SZT2: variants seen among roughly 807,000 people sequenced by gnomAD.
The protein encoded by SZT2 is SZT2 subunit of KICSTOR complex.
Under a neutral mutation model 404.2 loss-of-function variants are expected in SZT2, and 216 were observed. The observed-to-expected ratio is 0.53, with a 90% CI of 0.48 to 0.60. The LOEUF (loss-of-function observed/expected upper bound fraction) is 0.60, where lower values mean the gene tolerates loss of function less well. Among genes scored for constraint, SZT2 ranks in the 20% least tolerant of loss-of-function variants. SZT2 has a pLI of 0.00. For missense variants in SZT2, 3,857 were observed against 4,459.2 expected (o/e 0.86, Z 3.85); for synonymous variants, 1,693 against 1,749.9 (o/e 0.97, Z 0.81).
At chr1:43,449,353 G>A (rs1215891015) in intron 70 of SZT2, 1 of 160,384 alleles carries the variant, frequency 6.2e-6, no homozygotes, top group Non-Finnish European at 1.4e-5. Context: ...TGAGAAAGTA[G>A]GAGGTGGAGC....
intron 10 of SZT2, 68 bp from the exon 11 acceptor site, chr1:43,421,106 C>A (rs1652305585): frequency 6.3e-7 from 1 of 1,596,262 alleles, no homozygotes; most frequent in Non-Finnish European, 8.5e-7. Flanking sequence ...TCCCATGTCC[C>A]CCTAAGGCTC....
rs1311830762 is a variant in SZT2 at position 43,450,806 on chromosome 1, C to G, written c.*326C>G. 1 of 708,914 alleles carries G rather than the reference C, an allele frequency of 1.4e-6. No homozygotes were observed. The highest frequency in any genetic ancestry group is 2.6e-6 in the Non-Finnish European group (1 of 382,272). The allele number at this position is 708,914 out of a possible 1,614,324, so 43.9% of individuals were successfully genotyped here. A position where few individuals can be genotyped will look rare whatever the true frequency, so the allele number is the denominator to read the frequency against. On this transcript the variant is annotated 3_prime_UTR_variant, in exon 72 of 72. Transcript: ENST00000634258. The surrounding 1 kb of genome is among the most constrained non-coding windows in gnomAD (Gnocchi z 4.3). Reference sequence around the variant, plus strand: ...GTTCACACAGGGTGGCAAACACCCCCTAGAGCTCCTCTGCCTGAATCCTGC... The same window carrying G: ...GTTCACACAGGGTGGCAAACACCCCGTAGAGCTCCTCTGCCTGAATCCTGC...
Position 43,420,954 on chromosome 1 carries a change from T to C in SZT2, c.1467T>C (p.Val489=), listed in dbSNP as rs567155503. 21 of 1,598,482 alleles carry C rather than the reference T, an allele frequency of 1.3e-5. No individual in the cohort carries two copies. The South Asian group carries it at 2.1e-4, about 16-fold the overall frequency. Residue 489 remains valine, a synonymous_variant, in exon 10 of 72, where the codon GTT becomes GTC. Transcript: ENST00000634258. This position sits in a 1 kb window ranked among gnomAD's most constrained non-coding sequence, Gnocchi z 5.1. ...TTCGTTCATTGTATCGTACCCATGTTATCCGGCGTTTCTGGAACACGCTGC... is the reference window on the plus strand; with the variant it reads ...TTCGTTCATTGTATCGTACCCATGTCATCCGGCGTTTCTGGAACACGCTGC... ...QPIRSLYRTH[V]IRRFWNTLQS... is the part of the protein sequence containing the mutation.
In SZT2 at chr1:43,424,785, G is replaced by T. The variant is rs759265805; in HGVS notation, c.2473G>T (p.Val825Phe). The change falls in exon 17 of 72, where the codon GTC becomes TTC. Residue 825 changes from valine to phenylalanine, a missense_variant and splice_region_variant. Val to Phe is a conservative substitution (Grantham distance 50, BLOSUM62 -1). Transcript: ENST00000634258. The surrounding 1 kb of genome is among the most constrained non-coding windows in gnomAD (Gnocchi z 4.1). ...IAQLLSILTE[V>F]RLSEGFHFAC... The stretch of plus-strand genomic sequence containing the variant: ...GCCCCGGCCTTTATGGGGCTTCAGA[G>T]TCCGACTTTCTGAAGGATTCCACTT... 2 of 1,613,958 alleles carry T rather than the reference G, an allele frequency of 1.2e-6. No homozygotes were observed. Among genetic ancestry groups the T allele is most frequent in the Non-Finnish European group, 8.5e-7 (1 of 1,179,850 alleles).
chr1:43,425,909 G>A lies in SZT2; in HGVS notation c.2889G>A (p.Lys963=). 6.2e-7 allele frequency: 1 copy of A among 1,614,170 alleles called. No homozygotes were observed. The highest frequency in any genetic ancestry group is 8.5e-7 in the Non-Finnish European group (1 of 1,180,018). The change falls in exon 20 of 72, where the codon AAG becomes AAA. Residue 963 remains lysine (K), a synonymous_variant. Coordinates refer to ENST00000634258, the MANE Select transcript of SZT2 (RefSeq NM_001365999.1). This position sits in a 1 kb window ranked among gnomAD's most constrained non-coding sequence, Gnocchi z 4.3. ...FEYLIQLCQS[K]EWGPLPPEPR... ...ACCTGATACAGCTGTGTCAGAGCAA[G>A]GAATGGGGTCCTCTGCCCCCAGAGC...
chr1:43,403,813 G>T lies in SZT2; in HGVS notation c.327+39G>T, dbSNP rs375500746. On this transcript the variant is annotated intron_variant, in intron 3 of 71. Coordinates refer to ENST00000634258, the MANE Select transcript of SZT2 (RefSeq NM_001365999.1). ...GGGAGACTGTGGGAAGAAAGGATGGGGTGGGGTGTGAGGAGAGGGAGAGGC... is the reference window on the plus strand; with the variant it reads ...GGGAGACTGTGGGAAGAAAGGATGGTGTGGGGTGTGAGGAGAGGGAGAGGC... The T allele has an allele frequency of 8.7e-6, 14 of 1,605,624 alleles. No homozygotes were observed. The African/African-American group carries it at 1.9e-4, about 21-fold the overall frequency.
chr1:43,421,979 T>C, intron 11 of SZT2, 104 bp from the exon 12 acceptor site: 1 of 1,299,944 alleles, frequency 7.7e-7, no homozygotes, highest in Non-Finnish European at 1.0e-6. Flanking sequence ...CACTGCTGTC[T>C]CTGACTCTCT....
Position 43,452,450 on chromosome 1 carries a change from C to T in SZT2, c.*1970C>T, listed in dbSNP as rs1002605123. 4.0e-6 allele frequency: 3 copies of T among 744,460 alleles called. No homozygotes were observed. The highest frequency in any genetic ancestry group is 7.3e-6 in the Non-Finnish European group (3 of 411,550). 46.1% of individuals were successfully genotyped at this position (744,460 alleles called of 1,614,324 possible). ...TCCATGGCACCTGGGTCACGATGCC[C>T]AGGTATCCCAGCACTTTCAGAGACA... On this transcript the variant is annotated 3_prime_UTR_variant, in exon 72 of 72. Transcript: ENST00000634258.
intron 6 of SZT2, among the ~76,000 whole-genome samples, 168 bp downstream of exon 6, chr1:43,416,269 G>A (rs1360184696): frequency 1.3e-5 from 2 of 152,032 alleles, no homozygotes; most frequent in African/African-American, 2.4e-5. Flanking sequence ...AGGAACCCTC[G>A]ACTCTGACAA....
chr1:43,415,690 G>T (rs1253240333), intron 5 of SZT2, among the ~76,000 whole-genome samples: 1 of 152,138 alleles, frequency 6.6e-6, no homozygotes, highest in African/African-American at 2.4e-5. Flanking sequence ...GTGGAAAGGG[G>T]CCCTTCTTGG....
chr1:43,453,780 C>T lies in SZT2; in HGVS notation c.*3300C>T. On this transcript the variant is annotated 3_prime_UTR_variant, in exon 72 of 72. Transcript: ENST00000634258. ...TAGCCAGGACAGATTGGCGGAGAAGCGCAGCGGCGCCATGCCTGGGGAGGC... is the reference window on the plus strand; with the variant it reads ...TAGCCAGGACAGATTGGCGGAGAAGTGCAGCGGCGCCATGCCTGGGGAGGC... 7.8e-7 allele frequency: 1 copy of T among 1,284,722 alleles called. No homozygotes were observed. The highest frequency in any genetic ancestry group is 9.8e-7 in the Non-Finnish European group (1 of 1,019,222). 79.6% of individuals were successfully genotyped at this position (1,284,722 alleles called of 1,614,324 possible). A position where few individuals can be genotyped will look rare whatever the true frequency, so the allele number is the denominator to read the frequency against.
In SZT2 at chr1:43,443,567, G is replaced by A. The variant is rs778321621; in HGVS notation, c.8626-30G>A. On this transcript the variant is annotated intron_variant, in intron 61 of 71. Coordinates refer to ENST00000634258, the MANE Select transcript of SZT2 (RefSeq NM_001365999.1). ...CCCCAGCAGGATGGTTGACAGTGGG[G>A]AGAGTCTTCCTTGATCTTTACTCTC... 13 of 1,613,838 alleles carry A rather than the reference G, an allele frequency of 8.1e-6. No individual in the cohort carries two copies. The South Asian group carries it at 1.2e-4, about 15-fold the overall frequency.
Position 43,440,052 on chromosome 1 carries a change from T to G in SZT2, c.7210+4T>G. 6.2e-7 allele frequency: 1 copy of G among 1,613,856 alleles called. No homozygotes were observed. Among genetic ancestry groups the G allele is most frequent in the Non-Finnish European group, 8.5e-7 (1 of 1,179,866 alleles). ...TGTACAGAGGACACACCCACAGGTATGCAAGTCAAGAGGTCCCTGGGGTCC... is the reference window on the plus strand; with the variant it reads ...TGTACAGAGGACACACCCACAGGTAGGCAAGTCAAGAGGTCCCTGGGGTCC... On this transcript the variant is annotated splice_donor_region_variant and intron_variant, in intron 51 of 71. Transcript: ENST00000634258.
rs61578153 is a variant in SZT2, at chr1:43,441,114, G to A, written c.7345-100G>A. On this transcript the variant is annotated intron_variant, in intron 52 of 71. Coordinates refer to ENST00000634258, the MANE Select transcript of SZT2 (RefSeq NM_001365999.1). The surrounding 1 kb of genome is among the most constrained non-coding windows in gnomAD (Gnocchi z 4.8). ...CTGGGGAAGCCAGGGTCTGAACCCA[G>A]ACCTCTGAATCCTCCTAGCTCACTG... 226 of 1,464,204 alleles carry A rather than the reference G, an allele frequency of 1.5e-4. 1 individual carries two copies. In the African/African-American group the frequency reaches 2.9e-3, roughly 19 times the overall value. 90.7% of individuals were successfully genotyped at this position (1,464,204 alleles called of 1,614,324 possible). A position where few individuals can be genotyped will look rare whatever the true frequency, so the allele number is the denominator to read the frequency against.
chr1:43,443,762 C>T lies in SZT2; in HGVS notation c.8791C>T (p.Leu2931=), dbSNP rs1002699490. 7 of 1,613,882 alleles carry T rather than the reference C, an allele frequency of 4.3e-6. No individual in the cohort carries two copies. The African/African-American group carries it at 9.3e-5, about 22-fold the overall frequency. The change falls in exon 62 of 72, where the codon CTG becomes TTG. Residue 2931 remains leucine (L), a synonymous_variant. Transcript: ENST00000634258. The part of the protein sequence containing the change: ...VQYLQSIGFV[L]VPLRPPSPAR... ...GTATCTGCAGAGCATAGGTTTTGTG[C>T]TGGTACCACTGCGGCCCCCCTCACC...
intron 2 of SZT2, 62 bp from the exon 3 acceptor site, chr1:43,403,539 G>A: frequency 6.4e-7 from 1 of 1,565,526 alleles, no homozygotes; most frequent in Non-Finnish European, 8.7e-7. Flanking sequence ...ATAGAAGGCA[G>A]GTCCTGGGAA....
chr1:43,427,981 C>T lies in SZT2; in HGVS notation c.3804-22C>T, dbSNP rs769864679. 3.7e-6 allele frequency: 6 copies of T among 1,602,218 alleles called. No homozygotes were observed. In the South Asian group the frequency reaches 4.4e-5, roughly 12 times the overall value. Reference sequence around the variant, plus strand: ...ATCACTTAAGGGAGTTGGTCAAGTTCCATTTTCCCTTCGTTTCCTAGGACT... The same window carrying T: ...ATCACTTAAGGGAGTTGGTCAAGTTTCATTTTCCCTTCGTTTCCTAGGACT... On this transcript the variant is annotated intron_variant, in intron 26 of 71. Transcript: ENST00000634258.
intron 62 of SZT2, among the ~76,000 whole-genome samples, chr1:43,444,929 C>G (rs976264714): frequency 1.3e-5 from 2 of 152,192 alleles, no homozygotes; most frequent in Admixed American, 6.5e-5. Flanking sequence ...TTCCAACTCT[C>G]TCATGTTTCT....
rs766303821 is a variant in SZT2, at chr1:43,451,400, C to T, written c.*920C>T. ...CCTCCAGAGCTCCCTTCCCCAGGGC[C>T]ACGCCTCACCTCGAGGCTGATACTC... On this transcript the variant is annotated 3_prime_UTR_variant, in exon 72 of 72. Coordinates refer to ENST00000634258, the MANE Select transcript of SZT2 (RefSeq NM_001365999.1). 3 of 1,612,138 alleles carry T rather than the reference C, an allele frequency of 1.9e-6. No homozygotes were observed. Among genetic ancestry groups the T allele is most frequent in the Non-Finnish European group, 2.5e-6 (3 of 1,180,020 alleles).
Sources: allele counts gnomAD v4.1 joint callset (sites outside exome capture counted in the v4.1 genomes callset), GRCh38; gene constraint gnomAD v4.1.1; non-coding constraint Gnocchi (gnomAD v3.1); transcripts MANE v1.5; gene names NCBI Gene and HGNC (gene_info 2026-07-23, HGNC 2026-07-21).